MUC5AC: variants seen among roughly 807,000 people sequenced by gnomAD.
MUC5AC encodes the protein mucin 5AC, oligomeric mucus/gel-forming, also known as mucin-5AC.
MUC5AC carries 158 observed loss-of-function variants against 169.7 expected under a neutral mutation model. The observed-to-expected ratio is 0.93, with a 90% CI of 0.82 to 1.06. The LOEUF (loss-of-function observed/expected upper bound fraction) is 1.06, where lower values mean the gene tolerates loss of function less well. MUC5AC is among the 50% of genes least tolerant of loss of function. The probability of loss-of-function intolerance (pLI) is 0.00; values close to 1 mark genes in which losing one functional copy is unlikely to be tolerated. For synonymous variants in MUC5AC, 1,975 were observed against 1,237.0 expected (o/e 1.60, Z -12.52); for missense variants, 4,359 against 3,089.9 (o/e 1.41, Z -9.74).
chr11:1,179,200 T>C lies in MUC5AC; in HGVS notation c.3436T>C (p.Cys1146Arg). ...CTAVAAYAQA[C>R]HEVGLCVSWR... ...GGCTGTGGCCGCCTACGCCCAGGCC[T>C]GCCATGAAGTAGGCCTGTGTGTGTC... Residue 1146 changes from cysteine (C) to arginine (R), a missense_variant, in exon 26 of 49, where the codon TGC (cysteine) becomes CGC (arginine). Physicochemically the swap from Cys to Arg is radical, Grantham distance 180. Transcript: ENST00000621226. The C allele has an allele frequency of 1.5e-6, 1 of 677,364 alleles. No homozygotes were observed. Among genetic ancestry groups the C allele is most frequent in the Non-Finnish European group, 2.7e-6 (1 of 372,114 alleles). 42.0% of individuals were successfully genotyped at this position (677,364 alleles called of 1,614,324 possible).
chr11:1,198,171 G>A (rs985080774), intron 42 of MUC5AC, 97 bp from the exon 43 acceptor site: 56 of 701,980 alleles, frequency 8.0e-5, no homozygotes, highest in Admixed American at 6.4e-4. Context: ...TGGCGAGCCC[G>A]GGAATGAGGC....
intron 12 of MUC5AC, among the ~76,000 whole-genome samples, chr11:1,168,189 C>A (rs1432063827): frequency 6.6e-6 from 1 of 152,202 alleles, no homozygotes; most frequent in East Asian, 1.9e-4. Flanking sequence ...TCCCGGGCCG[C>A]CATACCTGAC....
chr11:1,179,998 C>T (rs949547325), intron 26 of MUC5AC, 24 bp from the exon 27 acceptor site: 27 of 398,702 alleles, frequency 6.8e-5, no homozygotes, highest in African/African-American at 4.5e-4. Context: ...GGGACCCCAC[C>T]GAGCCCTTCC....
intron 16 of MUC5AC, among the ~76,000 whole-genome samples, chr11:1,172,893 C>T: frequency 6.6e-6 from 1 of 151,044 alleles, no homozygotes; most frequent in African/African-American, 2.4e-5. Context: ...CATTTGCCCC[C>T]CCACTCACTC....
In MUC5AC at chr11:1,195,183, C is replaced by T. The variant is rs771067710; in HGVS notation, c.15362C>T (p.Thr5121Met). The T allele has an allele frequency of 4.6e-5, 35 of 764,558 alleles. No homozygotes were observed. The African/African-American group carries it at 4.9e-4, about 11-fold the overall frequency. 47.4% of individuals were successfully genotyped at this position (764,558 alleles called of 1,614,324 possible). Reference sequence around the variant, plus strand: ...GGGCCCACCACAGTTGGGTCTACCACGGTCGGGCCCACCACAGTTGGGTCT... The same window carrying T: ...GGGCCCACCACAGTTGGGTCTACCATGGTCGGGCCCACCACAGTTGGGTCT... ...TVGPTTVGST[T>M]VGPTTVGSTT... The change falls in exon 36 of 49, where the codon ACG (threonine) becomes ATG (methionine). Residue 5121 changes from threonine to methionine, a missense_variant. Coordinates refer to ENST00000621226, the MANE Select transcript of MUC5AC (RefSeq NM_001304359.2).
rs372152815 is a variant in MUC5AC, at chr11:1,161,977, C to T, written c.282C>T (p.Gly94=). 2.3e-5 allele frequency: 37 copies of T among 1,612,296 alleles called. No homozygotes were observed. The highest frequency in any genetic ancestry group is 1.2e-4 in the African/African-American group (9 of 75,034). The change falls in exon 4 of 49, where the codon GGC becomes GGT. Residue 94 remains glycine, a synonymous_variant. Coordinates refer to ENST00000621226, the MANE Select transcript of MUC5AC (RefSeq NM_001304359.2). ...WGSFHYKTFD[G]DVFRFPGLCN... ...GCTTCCACTACAAGACCTTCGACGG[C>T]GACGTCTTCCGCTTCCCCGGCCTCT...
At chr11:1,179,960 G>A (rs1415396747) in intron 26 of MUC5AC, 62 bp from the exon 27 acceptor site, 1 of 398,346 alleles carries the variant, frequency 2.5e-6, no homozygotes, top group African/African-American at 2.1e-5. Context: ...ACAGCCCTGG[G>A]GTGCGGGGCC....
chr11:1,184,600 A>G lies in MUC5AC; in HGVS notation c.6455A>G (p.Lys2152Arg). The change falls in exon 31 of 49, where the codon AAA (lysine) becomes AGA (arginine). Residue 2152 changes from lysine to arginine, a missense_variant. Lys to Arg is a conservative substitution (Grantham distance 26). Transcript: ENST00000621226. ...TYNNIIRSGE[K>R]ICRRPEEITR... ...AACAACATCATCAGGAGTGGGGAAA[A>G]AATCTGCCGCCGACCTGAGGAGATC... 1 of 620,420 alleles carries G rather than the reference A, an allele frequency of 1.6e-6. No homozygotes were observed. The highest frequency in any genetic ancestry group is 1.9e-5 in the South Asian group (1 of 52,934). 38.4% of individuals were successfully genotyped at this position (620,420 alleles called of 1,614,324 possible).
intron 19 of MUC5AC, 134 bp downstream of exon 19, chr11:1,175,404 G>C: frequency 2.5e-6 from 1 of 396,830 alleles, no homozygotes; most frequent in East Asian, 3.6e-5. Flanking sequence ...TCAGTGTCAG[G>C]CATGGTTTGT....
chr11:1,191,960 A>G lies in MUC5AC; in HGVS notation c.13815A>G (p.Ser4605=), dbSNP rs770340772. The G allele has an allele frequency of 2.6e-6, 2 of 765,056 alleles. No homozygotes were observed. Among genetic ancestry groups the G allele is most frequent in the Non-Finnish European group, 4.8e-6 (2 of 417,862 alleles). 47.4% of individuals were successfully genotyped at this position (765,056 alleles called of 1,614,324 possible). A position where few individuals can be genotyped will look rare whatever the true frequency, so the allele number is the denominator to read the frequency against. The change falls in exon 31 of 49, where the codon TCA becomes TCG. Residue 4605 remains serine, a synonymous_variant. Coordinates refer to ENST00000621226, the MANE Select transcript of MUC5AC (RefSeq NM_001304359.2). The part of the protein sequence containing the change: ...PVPTTSTTPV[S]KTSTSHLSVS... ...CCACCACCAGCACAACCCCTGTTTCAAAGACCAGCACAAGCCATCTTTCTG... is the reference window on the plus strand; with the variant it reads ...CCACCACCAGCACAACCCCTGTTTCGAAGACCAGCACAAGCCATCTTTCTG...
chr11:1,198,878 G>C lies in MUC5AC; in HGVS notation c.16178G>C (p.Gly5393Ala). 1.3e-6 allele frequency: 1 copy of C among 743,654 alleles called. No individual in the cohort carries two copies. 46.1% of individuals were successfully genotyped at this position (743,654 alleles called of 1,614,324 possible). A position where few individuals can be genotyped will look rare whatever the true frequency, so the allele number is the denominator to read the frequency against. ...CSINGTLYQP[G>A]AVVSSSLCET... The stretch of plus-strand genomic sequence containing the variant: ...TGCTGCCCTGGCTCTCCCCAGCCCG[G>C]CGCCGTGGTCTCCTCGAGCCTGTGC... The change falls in exon 44 of 49, where the codon GGC becomes GCC. Residue 5393 changes from glycine to alanine, a missense_variant. By Grantham distance (60) the Gly-to-Ala change is moderately conservative. Coordinates refer to ENST00000621226, the MANE Select transcript of MUC5AC (RefSeq NM_001304359.2).
chr11:1,180,551 A>T (rs1452808177), intron 28 of MUC5AC, 35 bp downstream of exon 28: 4 of 398,646 alleles, frequency 1.0e-5, no homozygotes, highest in Non-Finnish European at 1.8e-5. Flanking sequence ...TGGAGCCTGC[A>T]GCATGCAGGG....
chr11:1,170,975 TCACCC>T (rs1860499858), intron 15 of MUC5AC, among the ~76,000 whole-genome samples: 4 of 4,020 alleles, frequency 1.0e-3, no homozygotes, highest in South Asian at 0.015. Context: ...ACTCACCCAT[TCACCC>T]CACTCACCTA....
At chr11:1,169,604 C>G (rs1386495292) in intron 15 of MUC5AC, among the ~76,000 whole-genome samples, 1 of 146,390 alleles carries the variant, frequency 6.8e-6, no homozygotes, top group Non-Finnish European at 1.5e-5. Context: ...CTCACTCACT[C>G]ACCCACTCAC....
Position 1,187,559 on chromosome 11 carries a change from C to A in MUC5AC, c.9414C>A (p.Thr3138=), listed in dbSNP as rs1554928276. The A allele has an allele frequency of 1.5e-5, 11 of 753,808 alleles. No homozygotes were observed. Among genetic ancestry groups the A allele is most frequent in the African/African-American group, 1.4e-4 (8 of 58,732 alleles). 46.7% of individuals were successfully genotyped at this position (753,808 alleles called of 1,614,324 possible). The change falls in exon 31 of 49, where the codon ACC becomes ACA. Residue 3138 remains threonine, a synonymous_variant. Transcript: ENST00000621226. Reference sequence around the variant, plus strand: ...CCAGCACAACCTCTCCTCCTACAACCAGCACAACTTCTGCCTCTACAGCCA... The same window carrying A: ...CCAGCACAACCTCTCCTCCTACAACAAGCACAACTTCTGCCTCTACAGCCA... The part of the protein sequence containing the change: ...PTTSTTSPPT[T]STTSASTASK...
intron 2 of MUC5AC, 107 bp from the exon 3 acceptor site, chr11:1,161,420 C>A: frequency 1.1e-6 from 1 of 887,518 alleles, no homozygotes; most frequent in Non-Finnish European, 1.6e-6. Context: ...GAGTTGGCTT[C>A]GGAGCCAGGA....
Position 1,190,595 on chromosome 11 carries a change from AACCAGCACAACCTTGGCTCC to A in MUC5AC, c.12451_12470del (p.Thr4151TyrfsTer155). ...CACACAGAACGACTTCTGGTCCTAC[AACCAGCACAACCTTGGCTCC>A]TACAACCAGCACAACCTCTGCTCCA... On this transcript the variant is annotated frameshift_variant, in exon 31 of 49. Transcript: ENST00000621226. LOFTEE classifies it high-confidence loss of function. 1.4e-6 allele frequency: 1 copy of A among 694,202 alleles called. No homozygotes were observed. Among genetic ancestry groups the A allele is most frequent in the Non-Finnish European group, 2.6e-6 (1 of 380,682 alleles). The allele number at this position is 694,202 out of a possible 1,614,324, so 43.0% of individuals were successfully genotyped here.
chr11:1,164,005 G>A lies in MUC5AC; in HGVS notation c.789+14G>A. The A allele has an allele frequency of 1.9e-6, 3 of 1,609,006 alleles. No homozygotes were observed. The highest frequency in any genetic ancestry group is 1.1e-5 in the South Asian group (1 of 90,612). ...TCCACTGGCTTTGTAAGCCTTGGAG[G>A]GAACAGAGGGCCCAGCAGGTTGAGC... On this transcript the variant is annotated intron_variant, in intron 7 of 48. Coordinates refer to ENST00000621226, the MANE Select transcript of MUC5AC (RefSeq NM_001304359.2).
In MUC5AC at chr11:1,164,214, G is replaced by A; in HGVS notation, c.898G>A (p.Asp300Asn). The part of the protein sequence containing the change: ...ACRQDLCFCE[D>N]TDLLSCVCHT... ...CAGGCAAGACCTCTGCTTCTGTGAAGACACCGACCTGCTCAGCTGCGTCTG... is the reference window on the plus strand; with the variant it reads ...CAGGCAAGACCTCTGCTTCTGTGAAAACACCGACCTGCTCAGCTGCGTCTG... Residue 300 changes from aspartate (D) to asparagine (N), a missense_variant, in exon 8 of 49, where the codon GAC becomes AAC. Coordinates refer to ENST00000621226, the MANE Select transcript of MUC5AC (RefSeq NM_001304359.2). 6.2e-7 allele frequency: 1 copy of A among 1,612,658 alleles called. No homozygotes were observed. The highest frequency in any genetic ancestry group is 8.5e-7 in the Non-Finnish European group (1 of 1,179,876).
Sources: allele counts gnomAD v4.1 joint callset (sites outside exome capture counted in the v4.1 genomes callset), GRCh38; gene constraint gnomAD v4.1.1; transcripts MANE v1.5; gene names NCBI Gene and HGNC (gene_info 2026-07-23, HGNC 2026-07-21).